Variants in CSMD1 observed in about 807,000 individuals in gnomAD.
The protein encoded by CSMD1 is CUB and Sushi multiple domains 1, also known as CUB and sushi domain-containing protein 1.
In CSMD1, 213 loss-of-function variants were observed where a neutral mutation model predicts 417.5. The observed-to-expected ratio is 0.51, with a 90% CI of 0.46 to 0.57. CSMD1 has a LOEUF of 0.57. Ranked by LOEUF, CSMD1 falls within the 20% of genes least tolerant of loss-of-function variation. CSMD1 has a pLI of 0.00. For missense variants in CSMD1, 6,923 were observed against 4,529.7 expected (o/e 1.53, Z -15.17); for synonymous variants, 2,862 against 1,736.8 (o/e 1.65, Z -16.11).
At chr8:4,204,461 G>C (rs931301897) in intron 3 of CSMD1, among the ~76,000 whole-genome samples, 1 of 152,196 alleles carries the variant, frequency 6.6e-6, no homozygotes, top group South Asian at 2.1e-4. Flanking sequence ...GAACACCTGA[G>C]ATTTTGTCAG....
chr8:4,149,071 C>G (rs1271754314), intron 3 of CSMD1, among the ~76,000 whole-genome samples: 1 of 151,736 alleles, frequency 6.6e-6, no homozygotes, highest in African/African-American at 2.4e-5. Context: ...TCAAGCGATT[C>G]TCCTGCCTCA....
At chr8:4,282,378 A>G (rs1796835235) in intron 3 of CSMD1, among the ~76,000 whole-genome samples, 1 of 152,070 alleles carries the variant, frequency 6.6e-6, no homozygotes, top group East Asian at 1.9e-4. Context: ...TCTCTTCTTC[A>G]TTTTCTCGGA....
chr8:3,031,429 C>T (rs563484092), intron 50 of CSMD1, among the ~76,000 whole-genome samples: 3 of 151,888 alleles, frequency 2.0e-5, no homozygotes, highest in Non-Finnish European at 2.9e-5. Context: ...CAAACCTGCA[C>T]GTTGTGCACA....
At chr8:3,999,049 A>G (rs1319545068) in intron 4 of CSMD1, among the ~76,000 whole-genome samples, 1 of 150,152 alleles carries the variant, frequency 6.7e-6, no homozygotes, top group Admixed American at 6.7e-5. Context: ...ATATATAGCT[A>G]TGTTATATAT....
chr8:4,355,011 C>A (rs1191844389), intron 3 of CSMD1, among the ~76,000 whole-genome samples: 1 of 151,720 alleles, frequency 6.6e-6, no homozygotes, highest in African/African-American at 2.4e-5. Flanking sequence ...GCCTGTAATC[C>A]CAGCACTTTG....
intron 4 of CSMD1, among the ~76,000 whole-genome samples, chr8:4,030,201 C>T (rs1269411445): frequency 0.038 from 1 of 26 alleles, no homozygotes; most frequent in Non-Finnish European, 0.062. Flanking sequence ...CACAGCTCAA[C>T]TAGGGCGGTG....
chr8:3,049,812 G>A (rs1196714880), intron 50 of CSMD1, among the ~76,000 whole-genome samples: 1 of 152,084 alleles, frequency 6.6e-6, no homozygotes, highest in Non-Finnish European at 1.5e-5. Flanking sequence ...ATTGTAACAT[G>A]CACCCCACTC....
At chr8:4,008,502 C>T (rs188913418) in intron 4 of CSMD1, among the ~76,000 whole-genome samples, 4 of 149,216 alleles carry the variant, frequency 2.7e-5, no homozygotes, top group East Asian at 3.9e-4. Context: ...ACACATGATG[C>T]AGAACAAAAC....
At chr8:3,554,140 G>A (rs1431135105) in intron 10 of CSMD1, among the ~76,000 whole-genome samples, 2 of 152,214 alleles carry the variant, frequency 1.3e-5, no homozygotes, top group Non-Finnish European at 2.9e-5. Flanking sequence ...TTTTATACAA[G>A]TGAAACATAC....
chr8:4,905,676 C>T (rs527754561), intron 1 of CSMD1, among the ~76,000 whole-genome samples: 23 of 150,982 alleles, frequency 1.5e-4, no homozygotes, highest in Non-Finnish European at 2.1e-4. Context: ...AAAAATTAGC[C>T]GGGCGTGGTG....
At position 4,313,590 on chromosome 8, in the gene CSMD1, T is replaced by C. The variant is rs1798752305; in HGVS notation, c.415+106363A>G. Among the ~76,000 whole-genome samples, 4 of 151,736 alleles carry C rather than the reference T, an allele frequency of 2.6e-5. No individual in the cohort carries two copies. In the South Asian group the frequency reaches 8.3e-4, roughly 31 times the overall value. ...GGGAAAGAAGAATGTTGGAATTAAC[T>C]GTCAATGTGGACTGTCTGTTTTAAA... On this transcript the variant is annotated intron_variant, in intron 3 of 69. Coordinates refer to ENST00000635120, the MANE Select transcript of CSMD1 (RefSeq NM_033225.6).
chr8:4,012,210 G>T (rs534672803), intron 4 of CSMD1, among the ~76,000 whole-genome samples: 1 of 151,992 alleles, frequency 6.6e-6, no homozygotes. Context: ...ATTCTATGCC[G>T]TTTTACTCAC....
intron 4 of CSMD1, among the ~76,000 whole-genome samples, chr8:4,019,947 G>C (rs1211619891): frequency 6.7e-6 from 1 of 148,628 alleles, no homozygotes; most frequent in Non-Finnish European, 1.5e-5. Flanking sequence ...TTTTTTAAGA[G>C]CTACCAATAT....
intron 2 of CSMD1, among the ~76,000 whole-genome samples, chr8:4,577,105 T>C (rs1440303512): frequency 3.3e-5 from 5 of 152,194 alleles, no homozygotes; most frequent in Admixed American, 2.6e-4. Context: ...CACACATATA[T>C]AACGTGTATA....
intron 5 of CSMD1, among the ~76,000 whole-genome samples, chr8:3,832,103 T>C (rs1025676977): frequency 3.9e-5 from 6 of 152,288 alleles, no homozygotes; most frequent in Admixed American, 3.3e-4. Flanking sequence ...TCCTGCCTTA[T>C]GTGCATGTGG....
intron 3 of CSMD1, among the ~76,000 whole-genome samples, chr8:4,318,399 T>A (rs1052506378): frequency 6.6e-6 from 1 of 152,130 alleles, no homozygotes; most frequent in Non-Finnish European, 1.5e-5. Flanking sequence ...ATTTGCGCAT[T>A]TTAGTTTCTG....
At chr8:4,557,998 C>G (rs892132488) in intron 2 of CSMD1, among the ~76,000 whole-genome samples, 5 of 152,148 alleles carry the variant, frequency 3.3e-5, no homozygotes, top group African/African-American at 9.7e-5. Flanking sequence ...GACCAGCTGC[C>G]TTTGACTGAC....
Position 3,199,817 on chromosome 8 carries a change from C to T in CSMD1, c.5099-8G>A, listed in dbSNP as rs768860258. The T allele has an allele frequency of 1.4e-5, 21 of 1,550,368 alleles. No homozygotes were observed. The highest frequency in any genetic ancestry group is 1.6e-5 in the Non-Finnish European group (18 of 1,142,394). ...CCAAGGGCAATGTTTCCCCTAGAAA[C>T]GAAAACAGAGACAGATTCAGAAAAC... On this transcript the variant is annotated splice_polypyrimidine_tract_variant and splice_region_variant and intron_variant, in intron 32 of 69. Transcript: ENST00000635120.
chr8:3,002,803 G>T (rs1273119359), intron 52 of CSMD1, among the ~76,000 whole-genome samples: 1 of 152,200 alleles, frequency 6.6e-6, no homozygotes, highest in Non-Finnish European at 1.5e-5. Context: ...TGACAGCCAT[G>T]ACTGTAAATA....
Sources: allele counts gnomAD v4.1 joint callset (sites outside exome capture counted in the v4.1 genomes callset), GRCh38; gene constraint gnomAD v4.1.1; transcripts MANE v1.5; gene names NCBI Gene and HGNC (gene_info 2026-07-23, HGNC 2026-07-21).